The following DRC7 variants were observed in gnomAD, a reference collection of about 807,000 sequenced individuals.
DRC7 encodes coiled-coil domain containing 135.
In DRC7, 80 loss-of-function variants were observed where a neutral mutation model predicts 104.4. The ratio of observed to expected loss-of-function variants is 0.77; its 90% CI spans 0.64 to 0.92. The LOEUF (loss-of-function observed/expected upper bound fraction) is 0.92. Among genes scored for constraint, DRC7 ranks in the 40% least tolerant of loss-of-function variants. The probability of loss-of-function intolerance (pLI) is 0.00; values close to 1 mark genes in which losing one functional copy is unlikely to be tolerated. For missense variants in DRC7, 1,034 were observed against 1,141.1 expected, an observed-to-expected ratio of 0.91 and a Z score of 1.35; for synonymous variants, 405 against 447.3, an observed-to-expected ratio of 0.91 and a Z score of 1.19.
At chr16:57,703,795 C>T (rs1283744274) in intron 6 of DRC7, among the ~76,000 whole-genome samples, 5 of 151,982 alleles carry the variant, frequency 3.3e-5, no homozygotes, top group East Asian at 1.9e-4. Context: ...GGCAAAACCC[C>T]GTCTCTACTA....
intron 8 of DRC7, among the ~76,000 whole-genome samples, chr16:57,708,784 T>C (rs1348206271): frequency 1.3e-5 from 2 of 152,216 alleles, no homozygotes; most frequent in Non-Finnish European, 2.9e-5. Flanking sequence ...TTTTCCATTT[T>C]AGCTATTGTA....
Position 57,702,086 on chromosome 16 carries a change from G to C in DRC7, c.655G>C (p.Asp219His). 6.2e-7 allele frequency: 1 copy of C among 1,614,192 alleles called. No individual in the cohort carries two copies. The highest frequency in any genetic ancestry group is 8.5e-7 in the Non-Finnish European group (1 of 1,180,044). Reference protein sequence around the residue: ...GYGSLDLCHMDLTREVCPLTV... With the variant: ...GYGSLDLCHMHLTREVCPLTV... ...CGGCTCGCTGGACCTGTGCCACATGGACCTGACGCGGGAGGTGTGCCCACT... is the reference window on the plus strand; with the variant it reads ...CGGCTCGCTGGACCTGTGCCACATGCACCTGACGCGGGAGGTGTGCCCACT... Residue 219 changes from aspartate to histidine, a missense_variant, in exon 6 of 19, where the codon GAC (aspartate) becomes CAC (histidine). Transcript: ENST00000360716.
chr16:57,696,898 C>A (rs1251486564), intron 2 of DRC7, among the ~76,000 whole-genome samples: 2 of 152,142 alleles, frequency 1.3e-5, no homozygotes, highest in African/African-American at 4.8e-5. Flanking sequence ...TTAGGATTTT[C>A]TTTAAACCAA....
intron 17 of DRC7, 133 bp from the exon 18 acceptor site, chr16:57,730,781 TGTGGCAGGTATGGATAG>T: frequency 1.3e-6 from 1 of 774,740 alleles, no homozygotes; most frequent in South Asian, 1.7e-5. Flanking sequence ...CCCCTGCCTC[TGTGGCAGGTATGGATAG>T]GTGGCTTGTG....
chr16:57,707,826 C>T, intron 8 of DRC7, 148 bp downstream of exon 8: 1 of 676,974 alleles, frequency 1.5e-6, no homozygotes, highest in South Asian at 1.7e-5. Context: ...TCTCCATGGC[C>T]CACTCCCTTG....
chr16:57,725,813 C>T, intron 13 of DRC7: 1 of 492,500 alleles, frequency 2.0e-6, no homozygotes, highest in Non-Finnish European at 3.7e-6. Flanking sequence ...GGTGAGCTCC[C>T]CATCTCTTGA....
intron 8 of DRC7, 33 bp from the exon 9 acceptor site, chr16:57,718,314 G>A: frequency 6.2e-7 from 1 of 1,609,694 alleles, no homozygotes; most frequent in South Asian, 1.1e-5. Flanking sequence ...TGGCTGTGGG[G>A]TACACTCAGT....
intron 9 of DRC7, among the ~76,000 whole-genome samples, chr16:57,721,394 G>C (rs1222085090): frequency 6.6e-6 from 1 of 152,170 alleles, no homozygotes; most frequent in African/African-American, 2.4e-5. Context: ...TGGGTACCCT[G>C]ACTCCAGAAA....
Position 57,728,384 on chromosome 16 carries a change from T to G in DRC7, c.2197-6T>G. ...TGATCCAGCTATCTGCCCCTCACCT[T>G]TACAGGAGCGCATGATGCACGAAGA... On this transcript the variant is annotated splice_region_variant and splice_polypyrimidine_tract_variant and intron_variant, in intron 16 of 18. Coordinates refer to ENST00000360716, the MANE Select transcript of DRC7 (RefSeq NM_001289162.2). 2.5e-6 allele frequency: 4 copies of G among 1,584,748 alleles called. No individual in the cohort carries two copies. The highest frequency in any genetic ancestry group is 3.4e-6 in the Non-Finnish European group (4 of 1,163,528).
intron 2 of DRC7, among the ~76,000 whole-genome samples, chr16:57,697,568 C>A (rs565284156): frequency 6.6e-6 from 1 of 151,394 alleles, no homozygotes; most frequent in Admixed American, 6.6e-5. Flanking sequence ...GACCCTGTCT[C>A]AAAAAAATAA....
At chr16:57,727,814 G>T (rs369807424) in intron 16 of DRC7, among the ~76,000 whole-genome samples, 12 of 152,232 alleles carry the variant, frequency 7.9e-5, no homozygotes, top group African/African-American at 2.9e-4. Context: ...GCAAGGCCCC[G>T]CCTGGTTTTC....
chr16:57,719,415 C>T (rs780103189), intron 9 of DRC7, among the ~76,000 whole-genome samples: 12 of 152,290 alleles, frequency 7.9e-5, no homozygotes, highest in Middle Eastern at 3.4e-3. Flanking sequence ...CCCCTGTCCT[C>T]GGCTTGTAGA....
Position 57,697,967 on chromosome 16 carries a change from G to A in DRC7, c.18G>A (p.Glu6=), listed in dbSNP as rs775888572. 3 of 1,613,026 alleles carry A rather than the reference G, an allele frequency of 1.9e-6. No homozygotes were observed. The highest frequency in any genetic ancestry group is 2.5e-6 in the Non-Finnish European group (3 of 1,179,956). ...GCTCCAGAATGGAGGTCCTGAGGGA[G>A]AAGGTGGAGGAGGAGGAGGAGGCCG... MEVLR[E]KVEEEEEAER... Residue 6 remains glutamate (E), a synonymous_variant, in exon 3 of 19, where the codon GAG becomes GAA. Coordinates refer to ENST00000360716, the MANE Select transcript of DRC7 (RefSeq NM_001289162.2).
In DRC7 at chr16:57,731,359, A is replaced by G. The variant is rs1022824520; in HGVS notation, c.*101A>G. On this transcript the variant is annotated 3_prime_UTR_variant, in exon 19 of 19. Coordinates refer to ENST00000360716, the MANE Select transcript of DRC7 (RefSeq NM_001289162.2). ...CTATCCAGCCAATGCCTGTTTACAC[A>G]GACACCTGGCCTCACTGCCAGCCCA... The G allele has an allele frequency of 2.2e-6, 2 of 891,364 alleles. No homozygotes were observed. The highest frequency in any genetic ancestry group is 3.0e-5 in the South Asian group (2 of 65,828). 55.2% of individuals were successfully genotyped at this position (891,364 alleles called of 1,614,324 possible). A position where few individuals can be genotyped will look rare whatever the true frequency, so the allele number is the denominator to read the frequency against.
intron 8 of DRC7, among the ~76,000 whole-genome samples, chr16:57,716,061 G>A (rs367745332): frequency 2.0e-5 from 3 of 152,340 alleles, no homozygotes; most frequent in South Asian, 2.1e-4. Flanking sequence ...ACTGCCTGGC[G>A]CAAACGTACC....
intron 17 of DRC7, among the ~76,000 whole-genome samples, chr16:57,729,708 TGATG>T (rs2049029458): frequency 1.9e-5 from 1 of 53,592 alleles, no homozygotes; most frequent in African/African-American, 1.1e-4. Context: ...GATGGATGGA[TGATG>T]GATGGATGGG....
intron 8 of DRC7, 23 bp downstream of exon 8, chr16:57,707,701 G>C (rs1462751023): frequency 6.2e-7 from 1 of 1,604,772 alleles, no homozygotes; most frequent in Non-Finnish European, 8.5e-7. Flanking sequence ...GGGGAGCTGG[G>C]TGGGTGTGGC....
intron 13 of DRC7, chr16:57,725,763 T>C: frequency 2.7e-6 from 1 of 364,098 alleles, no homozygotes; most frequent in East Asian, 4.9e-5. Context: ...TTTCTAGCAG[T>C]AAGGGATGTC....
chr16:57,711,435 G>A (rs75813343), intron 8 of DRC7, among the ~76,000 whole-genome samples: 2,839 of 152,298 alleles, frequency 0.019, 99 homozygotes, highest in African/African-American at 0.064. Context: ...GTGAGGATTC[G>A]TGGCTTTTTC....
Sources: gnomAD v4.1 joint callset for allele counts (sites outside exome capture counted in the v4.1 genomes callset) on GRCh38, gnomAD v4.1.1 for gene constraint, MANE v1.5 for transcripts, NCBI Gene and HGNC (gene_info 2026-07-23, HGNC 2026-07-21) for gene names.